The following WWOX variants were observed in gnomAD, a reference collection of about 807,000 sequenced individuals.
WWOX encodes the protein WW domain-containing oxidoreductase.
WWOX carries 69 observed loss-of-function variants against 46.2 expected under a neutral mutation model. That is an observed-to-expected ratio of 1.49 (90% CI 1.23 to 1.82). The LOEUF (loss-of-function observed/expected upper bound fraction) is 1.82, where lower values mean the gene tolerates loss of function less well. WWOX is among the 40% of genes most tolerant of loss of function. The probability of loss-of-function intolerance (pLI) is 0.00; values close to 1 mark genes in which losing one functional copy is unlikely to be tolerated. For synonymous variants in WWOX, 359 were observed against 202.6 expected (o/e 1.77, Z -6.56); for missense variants, 919 against 542.6 (o/e 1.69, Z -6.89).
chr16:78,643,215 A>G (rs1408754158), intron 8 of WWOX, among the ~76,000 whole-genome samples: 1 of 152,230 alleles, frequency 6.6e-6, no homozygotes, highest in Non-Finnish European at 1.5e-5. Context: ...CTAAGAAGTC[A>G]AAAAAGGACA....
chr16:78,362,815 C>A (rs1294612986), intron 5 of WWOX, among the ~76,000 whole-genome samples: 1 of 152,162 alleles, frequency 6.6e-6, no homozygotes, highest in Non-Finnish European at 1.5e-5. Flanking sequence ...AATCATCTCA[C>A]AATCTTATGA....
At chr16:78,491,785 G>C (rs1311499286) in intron 8 of WWOX, among the ~76,000 whole-genome samples, 2 of 152,298 alleles carry the variant, frequency 1.3e-5, no homozygotes, top group Admixed American at 6.5e-5. Flanking sequence ...GGAGAAAATA[G>C]CATATAAAGT....
chr16:78,917,314 G>C (rs1307712450), intron 8 of WWOX, among the ~76,000 whole-genome samples: 1 of 152,174 alleles, frequency 6.6e-6, no homozygotes, highest in Non-Finnish European at 1.5e-5. Flanking sequence ...AAAGAAGAGA[G>C]GGATGGTTCT....
chr16:78,611,606 G>A (rs1054540701), intron 8 of WWOX, among the ~76,000 whole-genome samples: 1 of 152,140 alleles, frequency 6.6e-6, no homozygotes, highest in Non-Finnish European at 1.5e-5. Context: ...GAGTTATTTT[G>A]GCAACATATT....
At chr16:79,106,723 A>T (rs906096263) in intron 8 of WWOX, 2 of 147,446 alleles carry the variant, frequency 1.4e-5, no homozygotes, top group Non-Finnish European at 3.0e-5. Flanking sequence ...GCCTCAAGCA[A>T]CTCTCCAGCC....
intron 8 of WWOX, among the ~76,000 whole-genome samples, chr16:78,995,702 G>A (rs1408422074): frequency 1.3e-5 from 2 of 152,198 alleles, no homozygotes; most frequent in East Asian, 3.8e-4. Flanking sequence ...CTGGTAAAGT[G>A]TGAAGAACAG....
chr16:79,011,719 C>T (rs148432921), intron 8 of WWOX, among the ~76,000 whole-genome samples: 4 of 151,948 alleles, frequency 2.6e-5, no homozygotes, highest in Admixed American at 6.6e-5. Context: ...TCTCAAACTC[C>T]TGGGCTCAAG....
At chr16:79,012,539 A>T (rs2047332054) in intron 8 of WWOX, among the ~76,000 whole-genome samples, 1 of 152,312 alleles carries the variant, frequency 6.6e-6, no homozygotes, top group South Asian at 2.1e-4. Context: ...AGACGGACAT[A>T]TGAATTTTTA....
Position 78,114,959 on chromosome 16 carries a change from C to A in WWOX, c.231-17C>A, listed in dbSNP as rs372361154. The A allele has an allele frequency of 9.7e-5, 156 of 1,614,130 alleles. No individual in the cohort carries two copies. In the African/African-American group the frequency reaches 2.0e-3, roughly 20 times the overall value. Reference sequence around the variant, plus strand: ...TGTGTTCATTGCTGTGGGTTCACTGCTTTCTCTTTTGGGCAGCCATATAAA... The same window carrying A: ...TGTGTTCATTGCTGTGGGTTCACTGATTTCTCTTTTGGGCAGCCATATAAA... On this transcript the variant is annotated splice_polypyrimidine_tract_variant and intron_variant, in intron 3 of 8. Transcript: ENST00000566780.
chr16:78,786,715 C>T (rs1002324439), intron 8 of WWOX, among the ~76,000 whole-genome samples: 2 of 152,206 alleles, frequency 1.3e-5, no homozygotes, highest in African/African-American at 4.8e-5. Flanking sequence ...TTTGTCATAT[C>T]ACTCAATCAC....
At chr16:78,440,703 G>A (rs945924798) in intron 8 of WWOX, among the ~76,000 whole-genome samples, 26 of 150,288 alleles carry the variant, frequency 1.7e-4, no homozygotes, top group Non-Finnish European at 3.0e-4. Flanking sequence ...TGCAACCTCC[G>A]CGCCTCCCCA....
chr16:79,038,783 C>T (rs1272816019), intron 8 of WWOX, among the ~76,000 whole-genome samples: 1 of 152,210 alleles, frequency 6.6e-6, no homozygotes. Flanking sequence ...TTCCTAACTT[C>T]AGGTGACCCA....
chr16:78,646,317 T>C (rs2142129818), intron 8 of WWOX, among the ~76,000 whole-genome samples: 1 of 152,306 alleles, frequency 6.6e-6, no homozygotes, highest in South Asian at 2.1e-4. Context: ...CTTGGCCTTT[T>C]GGCACCATTA....
At chr16:78,401,172 T>C (rs2082404003) in intron 6 of WWOX, among the ~76,000 whole-genome samples, 1 of 152,230 alleles carries the variant, frequency 6.6e-6, no homozygotes, top group Non-Finnish European at 1.5e-5. Flanking sequence ...AAATGTTAAA[T>C]ATGTGTGTGC....
chr16:78,644,462 A>T (rs117345953), intron 8 of WWOX, among the ~76,000 whole-genome samples: 7,776 of 147,638 alleles, frequency 0.053, 270 homozygotes, highest in Non-Finnish European at 0.078. Flanking sequence ...CTGGGCCCTT[A>T]TTTTTTTTTT....
chr16:79,075,543 C>T (rs1227428279), intron 8 of WWOX, among the ~76,000 whole-genome samples: 2 of 46,572 alleles, frequency 4.3e-5, no homozygotes, highest in South Asian at 1.4e-3. Flanking sequence ...TTTCCTTTCT[C>T]TCTCTCTCTT....
At chr16:78,291,554 G>A (rs1242578038) in intron 5 of WWOX, among the ~76,000 whole-genome samples, 2 of 152,036 alleles carry the variant, frequency 1.3e-5, no homozygotes, top group Non-Finnish European at 2.9e-5. Context: ...TTATTATTTC[G>A]GTCTGAAACC....
At chr16:78,860,052 G>T (rs767317739) in intron 8 of WWOX, among the ~76,000 whole-genome samples, 2 of 152,100 alleles carry the variant, frequency 1.3e-5, no homozygotes, top group Non-Finnish European at 1.5e-5. Flanking sequence ...AAGAAAAATT[G>T]TAACAATTTT....
chr16:78,392,838 C>T (rs913112348), intron 6 of WWOX, among the ~76,000 whole-genome samples: 1 of 152,154 alleles, frequency 6.6e-6, no homozygotes, highest in African/African-American at 2.4e-5. Context: ...CTCCTCACTC[C>T]TCTGCCCACT....
Sources: gnomAD v4.1 joint callset for allele counts (sites outside exome capture counted in the v4.1 genomes callset) on GRCh38, gnomAD v4.1.1 for gene constraint, MANE v1.5 for transcripts, NCBI Gene and HGNC (gene_info 2026-07-23, HGNC 2026-07-21) for gene names.